VPS13A: variants seen among roughly 807,000 people sequenced by gnomAD.
The protein encoded by VPS13A is intermembrane lipid transfer protein VPS13A.
A neutral mutation model predicts 390.9 loss-of-function variants in VPS13A; 264 were observed. The observed-to-expected ratio is 0.68, with a 90% CI of 0.61 to 0.75. The LOEUF (loss-of-function observed/expected upper bound fraction) is 0.75, where lower values mean the gene tolerates loss of function less well. VPS13A is among the 30% of genes least tolerant of loss of function. The probability of loss-of-function intolerance (pLI) is 0.00; values close to 1 mark genes in which losing one functional copy is unlikely to be tolerated. For synonymous variants in VPS13A, 1,231 were observed against 1,227.1 expected (o/e 1.00, Z -0.07); for missense variants, 3,409 against 3,733.9 (o/e 0.91, Z 2.27).
chr9:77,223,197 G>A (rs1321503192), intron 13 of VPS13A, among the ~76,000 whole-genome samples: 1 of 152,060 alleles, frequency 6.6e-6, no homozygotes, highest in Non-Finnish European at 1.5e-5. Flanking sequence ...TAAATGTTGT[G>A]CGTGTTCTGA....
chr9:77,315,680 T>G (rs888447054), intron 38 of VPS13A, among the ~76,000 whole-genome samples: 2 of 152,102 alleles, frequency 1.3e-5, no homozygotes, highest in Non-Finnish European at 2.9e-5. Context: ...ATTTAAAAAT[T>G]ATGAAACCTA....
In VPS13A at chr9:77,178,980, A is replaced by G. The variant is rs549692366; in HGVS notation, c.100+1176A>G. Among the ~76,000 whole-genome samples the G allele has an allele frequency of 9.2e-5, 14 of 152,332 alleles. No homozygotes were observed. The South Asian group carries it at 2.1e-3, about 23-fold the overall frequency. ...ACTACCGTGGGGACCTAGTATCATG[A>G]TGGAGAGTGAGTGGACTACAAAAGC... On this transcript the variant is annotated intron_variant, in intron 1 of 71. Transcript: ENST00000360280.
chr9:77,395,411 T>C (rs1436503990), intron 68 of VPS13A, among the ~76,000 whole-genome samples: 1 of 152,118 alleles, frequency 6.6e-6, no homozygotes, highest in Non-Finnish European at 1.5e-5. Flanking sequence ...AAAAGGACTA[T>C]AAAATAGCAG....
intron 41 of VPS13A, among the ~76,000 whole-genome samples, chr9:77,318,995 C>T (rs947894666): frequency 3.3e-5 from 5 of 151,928 alleles, no homozygotes; most frequent in African/African-American, 4.8e-5. Context: ...AGTTCAAGAT[C>T]AGCCTGGGCA....
intron 24 of VPS13A, among the ~76,000 whole-genome samples, chr9:77,273,891 T>C (rs1222767024): frequency 6.6e-6 from 1 of 152,162 alleles, no homozygotes; most frequent in Non-Finnish European, 1.5e-5. Context: ...AAACTTAGGA[T>C]CTGTCTTCAG....
chr9:77,268,753 A>G (rs1395426725), intron 23 of VPS13A, among the ~76,000 whole-genome samples: 3 of 152,068 alleles, frequency 2.0e-5, no homozygotes, highest in East Asian at 1.9e-4. Flanking sequence ...CAGCCTGGCC[A>G]ACATGGTGGA....
intron 52 of VPS13A, among the ~76,000 whole-genome samples, chr9:77,346,969 T>G (rs1831192385): frequency 6.6e-6 from 1 of 152,226 alleles, no homozygotes; most frequent in African/African-American, 2.4e-5. Flanking sequence ...TGTTTTTGTT[T>G]GTTTTGTTGA....
chr9:77,400,679 T>C (rs1834346052), intron 68 of VPS13A, among the ~76,000 whole-genome samples: 1 of 151,178 alleles, frequency 6.6e-6, no homozygotes, highest in African/African-American at 2.4e-5. Flanking sequence ...AAAAAAAAAA[T>C]TAGCCGGGCG....
At chr9:77,271,527 A>T (rs1016595407) in intron 23 of VPS13A, among the ~76,000 whole-genome samples, 1 of 152,232 alleles carries the variant, frequency 6.6e-6, no homozygotes, top group African/African-American at 2.4e-5. Flanking sequence ...CAGTAGGGTT[A>T]TTCATAATAG....
intron 23 of VPS13A, among the ~76,000 whole-genome samples, chr9:77,265,366 G>A (rs1014213142): frequency 6.6e-6 from 1 of 152,166 alleles, no homozygotes; most frequent in Non-Finnish European, 1.5e-5. Flanking sequence ...GTTTCAGAAG[G>A]ACTGGTACCA....
chr9:77,205,289 T>C, intron 3 of VPS13A, 24 bp from the exon 4 acceptor site: 1 of 1,330,528 alleles, frequency 7.5e-7, no homozygotes, highest in Non-Finnish European at 1.0e-6. Context: ...TTTTGTCCTT[T>C]TTTTTTTTCC....
intron 45 of VPS13A, among the ~76,000 whole-genome samples, chr9:77,324,546 C>G (rs921493364): frequency 6.6e-6 from 1 of 152,102 alleles, no homozygotes; most frequent in Admixed American, 6.5e-5. Context: ...TTCACTGATT[C>G]TTTTTAAATA....
chr9:77,339,897 T>A lies in VPS13A; in HGVS notation c.6760T>A (p.Phe2254Ile). The A allele has an allele frequency of 6.2e-7, 1 of 1,611,350 alleles. No individual in the cohort carries two copies. The highest frequency in any genetic ancestry group is 1.1e-5 in the South Asian group (1 of 91,066). Residue 2254 changes from phenylalanine to isoleucine, a missense_variant, in exon 48 of 72, where the codon TTT becomes ATT. By Grantham distance (21) the Phe-to-Ile change is conservative. Coordinates refer to ENST00000360280, the MANE Select transcript of VPS13A (RefSeq NM_033305.3). Reference sequence around the variant, plus strand: ...CTTTTCTTTTCAGCCAAATCACTTTTTTAATAACAATAAGGTATGCGATGT... The same window carrying A: ...CTTTTCTTTTCAGCCAAATCACTTTATTAATAACAATAAGGTATGCGATGT... ...VLFSFQPNHF[F>I]NNNKVQLMVT...
intron 45 of VPS13A, among the ~76,000 whole-genome samples, chr9:77,328,453 G>GAC (rs1376524747): frequency 6.6e-6 from 1 of 152,212 alleles, no homozygotes; most frequent in Non-Finnish European, 1.5e-5. Flanking sequence ...AAGAGATTCA[G>GAC]ACTGTCCTTC....
At chr9:77,332,166 G>C in intron 46 of VPS13A, 53 bp downstream of exon 46, 1 of 1,423,840 alleles carries the variant, frequency 7.0e-7, no homozygotes, top group Non-Finnish European at 9.9e-7. Flanking sequence ...AGAATTTTTA[G>C]TTTCTGATTT....
chr9:77,245,356 A>G (rs12351061), intron 19 of VPS13A, among the ~76,000 whole-genome samples: 30,926 of 152,146 alleles, frequency 0.2, 3,333 homozygotes, highest in Middle Eastern at 0.26. Context: ...TGCTTAACAG[A>G]TAGTCTCTGG....
rs1554677015 is a variant in VPS13A, at chr9:77,383,965, G to GT, written c.9189+1891dup. On this transcript the variant is annotated intron_variant, in intron 68 of 71. Coordinates refer to ENST00000360280, the MANE Select transcript of VPS13A (RefSeq NM_033305.3). ...TGTTGTTTTGATGGTGGTGGGTTTT[G>GT]TTTTTTTTTTTTTAATCAAAGCTCT... 5.2e-3 allele frequency among the ~76,000 whole-genome samples: 653 copies of GT among 126,428 alleles called. 6 individuals are homozygous for GT. Among genetic ancestry groups the GT allele is most frequent in the African/African-American group, 0.014 (486 of 35,984 alleles). 82.9% of individuals were successfully genotyped at this position (126,428 alleles called of 152,430 possible).
At chr9:77,292,519 A>G (rs1028446640) in intron 31 of VPS13A, among the ~76,000 whole-genome samples, 40 of 151,844 alleles carry the variant, frequency 2.6e-4, no homozygotes, top group Non-Finnish European at 1.8e-4. Context: ...AGCTTTGTGC[A>G]CCCTAGGCAG....
rs5898534 is a variant in VPS13A at position 77,357,952 on chromosome 9, C to CTTTT, written c.7953+132_7953+135dup. On this transcript the variant is annotated intron_variant, in intron 56 of 71. Transcript: ENST00000360280. ...TATTCAGTTTCAATGTTGTGCTAGC[C>CTTTT]TTTTTTTTTTTTTTTTTTTTTGAGA... 1,544 of 345,696 alleles carry CTTTT rather than the reference C, an allele frequency of 4.5e-3. 71 individuals carry two copies. The highest frequency in any genetic ancestry group is 0.028 in the African/African-American group (766 of 27,090). The allele number at this position is 345,696 out of a possible 1,614,324, so 21.4% of individuals were successfully genotyped here.
Sources: allele counts gnomAD v4.1 joint callset (sites outside exome capture counted in the v4.1 genomes callset), GRCh38; gene constraint gnomAD v4.1.1; transcripts MANE v1.5; gene names NCBI Gene and HGNC (gene_info 2026-07-23, HGNC 2026-07-21).